ABCA13: variants seen among roughly 807,000 people sequenced by gnomAD.
ABCA13 encodes the protein ATP binding cassette subfamily A member 13, also known as ATP-binding cassette sub-family A member 13.
A neutral mutation model predicts 478.7 loss-of-function variants in ABCA13; 476 were observed. The observed-to-expected ratio is 0.99, with a 90% CI of 0.92 to 1.07. The LOEUF (loss-of-function observed/expected upper bound fraction) is 1.07. ABCA13 is among the 50% of genes least tolerant of loss of function. ABCA13 has a pLI of 0.00. For missense variants in ABCA13, 6,060 were observed against 5,910.6 expected, an observed-to-expected ratio of 1.03 and a Z score of -0.83; for synonymous variants, 2,252 against 2,158.9, an observed-to-expected ratio of 1.04 and a Z score of -1.20.
chr7:48,631,763 G>T (rs1057067907), intron 59 of ABCA13, among the ~76,000 whole-genome samples: 1 of 151,968 alleles, frequency 6.6e-6, no homozygotes, highest in Non-Finnish European at 1.5e-5. Context: ...TTTTAGAAAT[G>T]TGGTCATTTT....
intron 44 of ABCA13, among the ~76,000 whole-genome samples, chr7:48,469,833 T>G (rs1409773664): frequency 6.6e-6 from 1 of 151,484 alleles, no homozygotes; most frequent in Non-Finnish European, 1.5e-5. Context: ...GGCAGGAGAA[T>G]CACTTGAGCC....
chr7:48,351,483 TTCTCTAGGCCCC>T (rs2128983640), intron 30 of ABCA13, among the ~76,000 whole-genome samples: 1 of 152,320 alleles, frequency 6.6e-6, no homozygotes, highest in South Asian at 2.1e-4. Context: ...GGAGAGAATC[TTCTCTAGGCCCC>T]TCTCATTGGC....
chr7:48,605,258 T>G (rs1271917043), intron 58 of ABCA13, among the ~76,000 whole-genome samples: 1 of 152,230 alleles, frequency 6.6e-6, no homozygotes, highest in Non-Finnish European at 1.5e-5. Flanking sequence ...TGTGTGAATT[T>G]GATCCTATCA....
At chr7:48,321,438 G>A (rs1257385875) in intron 27 of ABCA13, among the ~76,000 whole-genome samples, 4 of 152,206 alleles carry the variant, frequency 2.6e-5, no homozygotes, top group African/African-American at 9.6e-5. Flanking sequence ...TCCCAAACAG[G>A]GGCTGTGGGA....
At chr7:48,221,059 T>A (rs568293782) in intron 4 of ABCA13, among the ~76,000 whole-genome samples, 27 of 152,302 alleles carry the variant, frequency 1.8e-4, no homozygotes, top group Non-Finnish European at 2.4e-4. Context: ...GGTTTACCAG[T>A]TAAATTTTTT....
intron 42 of ABCA13, among the ~76,000 whole-genome samples, chr7:48,454,492 T>C (rs1825409099): frequency 6.6e-6 from 1 of 151,680 alleles, no homozygotes; most frequent in African/African-American, 2.4e-5. Flanking sequence ...ATTCGCTGCG[T>C]CCCCCAGAGC....
At chr7:48,242,378 T>G (rs1026931890) in intron 10 of ABCA13, among the ~76,000 whole-genome samples, 7 of 152,076 alleles carry the variant, frequency 4.6e-5, no homozygotes, top group Non-Finnish European at 8.8e-5. Flanking sequence ...ACATTCTCAG[T>G]GCCAGGAAGA....
chr7:48,203,229 C>T (rs764776693), intron 3 of ABCA13, among the ~76,000 whole-genome samples: 39 of 144,798 alleles, frequency 2.7e-4, no homozygotes, highest in Non-Finnish European at 4.9e-4. Flanking sequence ...CCGCCAAGCC[C>T]ACGCGCACCG....
rs145419559 is a variant in ABCA13, at chr7:48,438,174, G to A, written c.12565+10303G>A. Among the ~76,000 whole-genome samples, 42 of 152,170 alleles carry A rather than the reference G, an allele frequency of 2.8e-4. No homozygotes were observed. In the East Asian group the frequency reaches 5.2e-3, roughly 19 times the overall value. On this transcript the variant is annotated intron_variant, in intron 42 of 61. Transcript: ENST00000435803. ...CAGGCAAGAATTTTGAAAACGATTT[G>A]CACTTTGCTCTTTCTGCCCTGAAGG...
chr7:48,242,970 C>A (rs186920778), intron 10 of ABCA13: 1 of 152,414 alleles, frequency 6.6e-6, no homozygotes, highest in African/African-American at 2.4e-5. Context: ...TCATTACAGA[C>A]TGCCTTTTCT....
chr7:48,570,888 T>C (rs945156432), intron 55 of ABCA13, among the ~76,000 whole-genome samples: 5 of 152,186 alleles, frequency 3.3e-5, no homozygotes, highest in Non-Finnish European at 7.3e-5. Context: ...TGTTCTTCTA[T>C]TACTGCCATC....
intron 57 of ABCA13, among the ~76,000 whole-genome samples, chr7:48,592,966 C>A (rs998889348): frequency 2.6e-5 from 4 of 152,006 alleles, no homozygotes; most frequent in African/African-American, 9.6e-5. Flanking sequence ...TCCAAAAAAA[C>A]TGTACTAAGT....
At chr7:48,407,170 G>C (rs1360837972) in intron 39 of ABCA13, among the ~76,000 whole-genome samples, 1 of 151,868 alleles carries the variant, frequency 6.6e-6, no homozygotes, top group African/African-American at 2.4e-5. Flanking sequence ...AAACAACCTC[G>C]GATCAAAAAT....
At chr7:48,398,231 C>A (rs141645970) in intron 38 of ABCA13, among the ~76,000 whole-genome samples, 15 of 152,198 alleles carry the variant, frequency 9.9e-5, no homozygotes, top group African/African-American at 3.4e-4. Flanking sequence ...ATGCATCTAC[C>A]CTAGACCACA....
At chr7:48,435,197 G>C (rs1822672325) in intron 42 of ABCA13, among the ~76,000 whole-genome samples, 1 of 151,698 alleles carries the variant, frequency 6.6e-6, no homozygotes, top group South Asian at 2.1e-4. Context: ...ATTTTGTAGT[G>C]TTGAGTGTAC....
chr7:48,395,771 A>G (rs1415901387), intron 38 of ABCA13, among the ~76,000 whole-genome samples: 2 of 152,230 alleles, frequency 1.3e-5, no homozygotes, highest in East Asian at 1.9e-4. Context: ...AGCATACAGC[A>G]TGTAATGCAT....
At chr7:48,365,623 TC>T (rs1185649054) in intron 31 of ABCA13, among the ~76,000 whole-genome samples, 1 of 152,204 alleles carries the variant, frequency 6.6e-6, no homozygotes, top group African/African-American at 2.4e-5. Context: ...CTAGTTTCAT[TC>T]TTCTGCATAT....
intron 59 of ABCA13, among the ~76,000 whole-genome samples, chr7:48,620,600 A>G (rs1452732960): frequency 6.6e-6 from 1 of 152,184 alleles, no homozygotes; most frequent in Non-Finnish European, 1.5e-5. Flanking sequence ...CCTGGGTGAG[A>G]ACCACTGTCT....
chr7:48,419,878 G>A (rs938563301), intron 41 of ABCA13, among the ~76,000 whole-genome samples: 6 of 152,160 alleles, frequency 3.9e-5, no homozygotes, highest in African/African-American at 1.4e-4. Context: ...TATATACAAT[G>A]TATATGAGAT....
Sources: allele counts gnomAD v4.1 joint callset (sites outside exome capture counted in the v4.1 genomes callset), GRCh38; gene constraint gnomAD v4.1.1; transcripts MANE v1.5; gene names NCBI Gene and HGNC (gene_info 2026-07-23, HGNC 2026-07-21).